Variants in JAG1 observed in about 807,000 individuals in gnomAD.
The protein encoded by JAG1 is jagged canonical Notch ligand 1, also known as protein jagged-1.
A neutral mutation model predicts 148.7 loss-of-function variants in JAG1; 23 were observed. The ratio of observed to expected loss-of-function variants is 0.15; its 90% CI spans 0.11 to 0.22. The LOEUF (loss-of-function observed/expected upper bound fraction) is 0.22, where lower values mean the gene tolerates loss of function less well. Ranked by LOEUF, JAG1 falls within the 10% of genes least tolerant of loss-of-function variation. JAG1 has a pLI of 1.00. For synonymous variants in JAG1, 572 were observed against 598.3 expected, an observed-to-expected ratio of 0.96 and a Z score of 0.64; for missense variants, 1,054 against 1,611.2, an observed-to-expected ratio of 0.65 and a Z score of 5.92.
intron 5 of JAG1, among the ~76,000 whole-genome samples, chr20:10,654,315 A>G (rs535041972): frequency 2.2e-4 from 33 of 152,324 alleles, no homozygotes; most frequent in African/African-American, 7.9e-4. Flanking sequence ...GAAAACAAAT[A>G]AAAATACTGA....
intron 14 of JAG1, 134 bp downstream of exon 14, chr20:10,646,802 GCAA>G (rs2067312064): frequency 2.3e-6 from 2 of 886,360 alleles, no homozygotes; most frequent in Admixed American, 1.7e-5. Context: ...TCTAGCCTGG[GCAA>G]CAACAGCGAA....
At chr20:10,652,284 C>A (rs762648169) in intron 6 of JAG1, 34 bp from the exon 7 acceptor site, 2 of 1,613,128 alleles carry the variant, frequency 1.2e-6, no homozygotes, top group African/African-American at 1.3e-5. Context: ...CTAAGAGACG[C>A]CTGTGAAGAT....
chr20:10,639,414 G>T lies in JAG1; in HGVS notation c.*84C>A. 4 of 1,201,470 alleles carry T rather than the reference G, an allele frequency of 3.3e-6. No homozygotes were observed. The highest frequency in any genetic ancestry group is 1.2e-5 in the South Asian group (1 of 82,260). The allele number at this position is 1,201,470 out of a possible 1,614,324, so 74.4% of individuals were successfully genotyped here. On this transcript the variant is annotated 3_prime_UTR_variant, in exon 26 of 26. Coordinates refer to ENST00000254958, the MANE Select transcript of JAG1 (RefSeq NM_000214.3). ...AACACAGGGATTCTAAGTCAGCAAC[G>T]GCCTCAGACTCGAGTATGACACGAC...
intron 5 of JAG1, among the ~76,000 whole-genome samples, chr20:10,656,064 G>C (rs530956028): frequency 1.4e-4 from 21 of 152,318 alleles, no homozygotes; most frequent in African/African-American, 5.1e-4. Flanking sequence ...AGAGGAGAGA[G>C]ACGCAAAGAA....
At chr20:10,658,259 C>A (rs914202902) in intron 4 of JAG1, among the ~76,000 whole-genome samples, 1 of 152,176 alleles carries the variant, frequency 6.6e-6, no homozygotes, top group African/African-American at 2.4e-5. Context: ...GCCAACACAG[C>A]ACCTGGGGGA....
intron 2 of JAG1, among the ~76,000 whole-genome samples, chr20:10,666,848 G>C (rs369856014): frequency 6.6e-6 from 1 of 152,224 alleles, no homozygotes; most frequent in African/African-American, 2.4e-5. Context: ...ACCTAGAGGA[G>C]AGTCCTGGCA....
At chr20:10,661,143 GAGGACCGATGACAGA>G (rs1449671065) in intron 3 of JAG1, among the ~76,000 whole-genome samples, 2 of 152,144 alleles carry the variant, frequency 1.3e-5, no homozygotes, top group Non-Finnish European at 2.9e-5. Flanking sequence ...AAAGACTTTG[GAGGACCGATGACAGA>G]AGGACCAGCC....
At chr20:10,656,530 C>A in intron 4 of JAG1, 72 bp from the exon 5 acceptor site, 2 of 1,298,618 alleles carry the variant, frequency 1.5e-6, no homozygotes, top group Non-Finnish European at 2.2e-6. Flanking sequence ...GAGAATGGCC[C>A]ATTGCATTAA....
rs35826283 is a variant in JAG1 at position 10,659,559 on chromosome 20, CTTTTTTTT to C, written c.440-845_440-838del. ...GGAAGCCAAGGAGACGATTAAGTTA[CTTTTTTTT>C]TTTTTTTTTTTTTTTTTTTTACAAT... On this transcript the variant is annotated intron_variant, in intron 3 of 25. Transcript: ENST00000254958. Among the ~76,000 whole-genome samples, 142 of 105,156 alleles carry C rather than the reference CTTTTTTTT, an allele frequency of 1.4e-3. 7 individuals carry two copies. The highest frequency in any genetic ancestry group is 4.5e-3 in the African/African-American group (122 of 27,216). 69.0% of individuals were successfully genotyped at this position (105,156 alleles called of 152,430 possible). A position where few individuals can be genotyped will look rare whatever the true frequency, so the allele number is the denominator to read the frequency against.
chr20:10,649,037 T>C (rs1417722612), intron 11 of JAG1, 24 bp downstream of exon 11: 2 of 1,585,698 alleles, frequency 1.3e-6, no homozygotes, highest in Non-Finnish European at 1.7e-6. Flanking sequence ...GTCAAAGTTT[T>C]GATTTAAGCA....
chr20:10,647,212 C>G (rs1034790756), intron 13 of JAG1, 109 bp from the exon 14 acceptor site: 1 of 1,288,316 alleles, frequency 7.8e-7, no homozygotes, highest in African/African-American at 1.5e-5. Context: ...GACCCTCTGG[C>G]TAATGAGACA....
At position 10,639,843 on chromosome 20, in the gene JAG1, G is replaced by A. The variant is rs1250645531; in HGVS notation, c.3312C>T (p.His1104=). The A allele has an allele frequency of 1.9e-6, 3 of 1,614,070 alleles. No homozygotes were observed. Among genetic ancestry groups the A allele is most frequent in the East Asian group, 2.2e-5 (1 of 44,886 alleles). The change falls in exon 26 of 26, where the codon CAC becomes CAT. Residue 1104 remains histidine, a synonymous_variant. Transcript: ENST00000254958. ...RKRRKPGSHT[H]SASEDNTTNN... ...TGGTGGTGTTGTCCTCAGAGGCTGA[G>A]TGTGTGTGGCTGCCCGGCTTCCGCC... is the stretch of plus-strand genomic sequence containing the variant.
intron 2 of JAG1, among the ~76,000 whole-genome samples, chr20:10,668,112 A>C (rs868487854): frequency 1.2e-4 from 18 of 151,410 alleles, no homozygotes; most frequent in Admixed American, 9.9e-4. Flanking sequence ...AAAAAAAAAA[A>C]AAAACAGCAG....
In JAG1 at chr20:10,673,338, A is replaced by G. The variant is rs1298058036; in HGVS notation, c.81+112T>C. ...GTGCAGCCGCTCGGGCGCAGGGGCG[A>G]GGAGTCGGGCGCTCGAGGGCTGCCG... On this transcript the variant is annotated intron_variant, in intron 1 of 25. Coordinates refer to ENST00000254958, the MANE Select transcript of JAG1 (RefSeq NM_000214.3). The surrounding 1 kb of genome is among the most constrained non-coding windows in gnomAD (Gnocchi z 4.7). The G allele has an allele frequency of 1.2e-6, 1 of 816,810 alleles. No homozygotes were observed. The highest frequency in any genetic ancestry group is 1.9e-6 in the Non-Finnish European group (1 of 530,006). The allele number at this position is 816,810 out of a possible 1,614,324, so 50.6% of individuals were successfully genotyped here.
At position 10,664,027 on chromosome 20, in the gene JAG1, C is replaced by G. The variant is rs1445257289; in HGVS notation, c.388-13G>C. 1 of 1,612,682 alleles carries G rather than the reference C, an allele frequency of 6.2e-7. No homozygotes were observed. The highest frequency in any genetic ancestry group is 8.5e-7 in the Non-Finnish European group (1 of 1,178,650). ...ACGTATAGGACCTCTGCAAGACAAA[C>G]AAACAATTTAGCAATTCAGAAACAG... On this transcript the variant is annotated splice_polypyrimidine_tract_variant and intron_variant, in intron 2 of 25. Coordinates refer to ENST00000254958, the MANE Select transcript of JAG1 (RefSeq NM_000214.3).
intron 2 of JAG1, among the ~76,000 whole-genome samples, chr20:10,664,373 AACACACACACAC>A (rs59417356): frequency 9.0e-4 from 130 of 144,682 alleles, no homozygotes; most frequent in African/African-American, 1.7e-3. Flanking sequence ...TGCATGAGGA[AACACACACACAC>A]ACACACACAC....
Position 10,644,429 on chromosome 20 carries a change from A to G in JAG1, c.2345-45T>C, listed in dbSNP as rs1021064559. On this transcript the variant is annotated intron_variant, in intron 18 of 25. Transcript: ENST00000254958. The stretch of plus-strand genomic sequence containing the variant: ...TAATAGTGAGGACTTCAACAGGGAA[A>G]GCGGTCTTAGCCCTAAGTAAAACCA... The G allele has an allele frequency of 2.6e-6, 4 of 1,531,920 alleles. No homozygotes were observed. In the African/African-American group the frequency reaches 4.1e-5, roughly 16 times the overall value. The allele number at this position is 1,531,920 out of a possible 1,614,324, so 94.9% of individuals were successfully genotyped here.
intron 2 of JAG1, among the ~76,000 whole-genome samples, chr20:10,667,275 G>A (rs1272114915): frequency 1.3e-5 from 2 of 152,240 alleles, no homozygotes; most frequent in East Asian, 1.9e-4. Context: ...GTGCCAACGC[G>A]GCCATTGTGC....
At chr20:10,652,793 A>C (rs1482567395) in intron 5 of JAG1, 195 bp from the exon 6 acceptor site, 1 of 514,960 alleles carries the variant, frequency 1.9e-6, no homozygotes, top group African/African-American at 1.9e-5. Context: ...CTCCCAGCCG[A>C]CTCCTGACAA....
Sources: gnomAD v4.1 joint callset for allele counts (sites outside exome capture counted in the v4.1 genomes callset) on GRCh38, gnomAD v4.1.1 for gene constraint, Gnocchi (gnomAD v3.1) non-coding constraint, MANE v1.5 for transcripts, NCBI Gene and HGNC (gene_info 2026-07-23, HGNC 2026-07-21) for gene names.